Variants in DAPK1 observed in about 807,000 individuals in gnomAD.
The protein encoded by DAPK1 is death-associated protein kinase 1.
Under a neutral mutation model 144.9 loss-of-function variants are expected in DAPK1, and 56 were observed. The ratio of observed to expected loss-of-function variants is 0.39; its 90% CI spans 0.31 to 0.48. The LOEUF is 0.48. DAPK1 is among the 20% of genes least tolerant of loss of function. The pLI is 0.95. For synonymous variants in DAPK1, 690 were observed against 749.0 expected, an observed-to-expected ratio of 0.92 and a Z score of 1.29; for missense variants, 1,454 against 1,875.4, an observed-to-expected ratio of 0.78 and a Z score of 4.15.
chr9:87,608,049 A>T (rs574972707), intron 3 of DAPK1, among the ~76,000 whole-genome samples: 2 of 152,100 alleles, frequency 1.3e-5, no homozygotes, highest in African/African-American at 4.8e-5. Flanking sequence ...AGTGCTACAC[A>T]CTTTGAGACA....
chr9:87,637,295 T>C (rs6560008), intron 3 of DAPK1, among the ~76,000 whole-genome samples: 7,335 of 152,070 alleles, frequency 0.048, 586 homozygotes, highest in African/African-American at 0.17. Context: ...TGTTTCTCCA[T>C]GTTGGCCAGG....
At chr9:87,640,527 G>A in intron 8 of DAPK1, 77 bp downstream of exon 8, 2 of 1,481,866 alleles carry the variant, frequency 1.3e-6, no homozygotes, top group South Asian at 2.5e-5. Flanking sequence ...CCATGCACAG[G>A]GCCACGTTCC....
chr9:87,611,857 G>A (rs964679985), intron 3 of DAPK1, among the ~76,000 whole-genome samples: 3 of 152,172 alleles, frequency 2.0e-5, no homozygotes, highest in African/African-American at 7.2e-5. Flanking sequence ...TTCATCTTTT[G>A]AGAGGCTGTG....
chr9:87,518,099 GTTGTTGTTTTTT>G (rs1825136231), intron 2 of DAPK1, among the ~76,000 whole-genome samples: 2 of 126,042 alleles, frequency 1.6e-5, no homozygotes, highest in Non-Finnish European at 3.1e-5. Flanking sequence ...TGCCGTTTAT[GTTGTTGTTTTTT>G]TTTTTTTTTT....
In DAPK1 at chr9:87,639,495, TG is replaced by T; in HGVS notation, c.553+13del. On this transcript the variant is annotated intron_variant, in intron 5 of 25. Transcript: ENST00000408954. ...TCCAGAGTTTGTCGGTAAGTTTCTTTGCTCCTGTGGTCATTTACGTCTCATA... is the reference window on the plus strand; with the variant it reads ...TCCAGAGTTTGTCGGTAAGTTTCTTTCTCCTGTGGTCATTTACGTCTCATA... The T allele has an allele frequency of 1.2e-6, 2 of 1,610,906 alleles. No homozygotes were observed. Among genetic ancestry groups the T allele is most frequent in the Non-Finnish European group, 1.7e-6 (2 of 1,179,156 alleles).
chr9:87,566,362 A>G (rs368197726), intron 2 of DAPK1, among the ~76,000 whole-genome samples: 13 of 152,100 alleles, frequency 8.5e-5, no homozygotes, highest in Admixed American at 2.0e-4. Flanking sequence ...CATCTCAGCT[A>G]TGTCATTATA....
chr9:87,690,975 A>G (rs1825035075), intron 21 of DAPK1, among the ~76,000 whole-genome samples: 1 of 151,754 alleles, frequency 6.6e-6, no homozygotes, highest in Non-Finnish European at 1.5e-5. Context: ...TATAATGATG[A>G]TGATGTTGTT....
intron 13 of DAPK1, 29 bp from the exon 14 acceptor site, chr9:87,647,276 A>G (rs779756068): frequency 2.2e-5 from 35 of 1,589,026 alleles, no homozygotes; most frequent in Non-Finnish European, 3.0e-5. Flanking sequence ...GCTCCCTAGA[A>G]ATGTGACCCC....
chr9:87,626,474 G>A (rs889501590), intron 3 of DAPK1, among the ~76,000 whole-genome samples: 1 of 152,046 alleles, frequency 6.6e-6, no homozygotes, highest in Non-Finnish European at 1.5e-5. Flanking sequence ...AAGTGAGGAC[G>A]CGAAGCCAAA....
In DAPK1 at chr9:87,642,010, A is replaced by G; in HGVS notation, c.870A>G (p.Ala290=). The G allele has an allele frequency of 6.2e-7, 1 of 1,614,166 alleles. No individual in the cohort carries two copies. The highest frequency in any genetic ancestry group is 8.5e-7 in the Non-Finnish European group (1 of 1,180,016). Residue 290 remains alanine, a synonymous_variant, in exon 10 of 26, where the codon GCA becomes GCG. Transcript: ENST00000408954. ...AGGCACTTAGTAGAAAAGCATCAGC[A>G]GTAAACATGGAGAAATTCAAGAAGT... The part of the protein sequence containing the change: ...TQQALSRKAS[A]VNMEKFKKFA...
intron 8 of DAPK1, 71 bp downstream of exon 8, chr9:87,640,521 G>A (rs903476781): frequency 1.3e-6 from 2 of 1,494,282 alleles, no homozygotes; most frequent in East Asian, 4.5e-5. Flanking sequence ...TCTGTTCCAT[G>A]CACAGGGCCA....
At chr9:87,531,044 T>C (rs998592418) in intron 2 of DAPK1, among the ~76,000 whole-genome samples, 1 of 152,230 alleles carries the variant, frequency 6.6e-6, no homozygotes, top group African/African-American at 2.4e-5. Flanking sequence ...AGTGGAAGCA[T>C]GGATATATTT....
At chr9:87,682,630 G>A (rs2119340127) in intron 20 of DAPK1, among the ~76,000 whole-genome samples, 1 of 152,294 alleles carries the variant, frequency 6.6e-6, no homozygotes, top group South Asian at 2.1e-4. Context: ...GAATTGAAAT[G>A]AGGAGAAGAA....
chr9:87,694,116 C>T (rs1490699290), intron 21 of DAPK1, among the ~76,000 whole-genome samples: 1 of 152,144 alleles, frequency 6.6e-6, no homozygotes, highest in Non-Finnish European at 1.5e-5. Context: ...TCTCAGTTCC[C>T]TGGGCAGCAG....
chr9:87,548,743 C>T (rs1826355973), intron 2 of DAPK1, among the ~76,000 whole-genome samples: 1 of 151,984 alleles, frequency 6.6e-6, no homozygotes. Flanking sequence ...GGTGAGCGTG[C>T]ACTGAAGATT....
chr9:87,676,923 G>A (rs1824406619), intron 19 of DAPK1, among the ~76,000 whole-genome samples: 1 of 152,222 alleles, frequency 6.6e-6, no homozygotes, highest in Non-Finnish European at 1.5e-5. Flanking sequence ...GCAGTGGGAG[G>A]AAGACCTGGT....
At chr9:87,513,634 C>A (rs1489325254) in intron 2 of DAPK1, among the ~76,000 whole-genome samples, 1 of 152,188 alleles carries the variant, frequency 6.6e-6, no homozygotes, top group Non-Finnish European at 1.5e-5. Context: ...AGATGATTGG[C>A]CTTGAATAGT....
chr9:87,542,593 A>T (rs1303626746), intron 2 of DAPK1, among the ~76,000 whole-genome samples: 1 of 152,192 alleles, frequency 6.6e-6, no homozygotes, highest in South Asian at 2.1e-4. Context: ...CCAAGTACCT[A>T]TGGTACTGGT....
intron 23 of DAPK1, 22 bp downstream of exon 23, chr9:87,698,816 TC>T: frequency 1.3e-6 from 2 of 1,526,944 alleles, no homozygotes; most frequent in Non-Finnish European, 1.8e-6. Context: ...CCACTTAGTC[TC>T]CAGCTCACGG....
Sources: gnomAD v4.1 joint callset for allele counts (sites outside exome capture counted in the v4.1 genomes callset) on GRCh38, gnomAD v4.1.1 for gene constraint, MANE v1.5 for transcripts, NCBI Gene and HGNC (gene_info 2026-07-23, HGNC 2026-07-21) for gene names.